Variants in COL5A2 observed in about 807,000 individuals in gnomAD.
COL5A2 encodes the protein collagen alpha-2(V) chain.
In COL5A2, 23 loss-of-function variants were observed where a neutral mutation model predicts 208.2. The observed-to-expected ratio is 0.11, with a 90% CI of 0.08 to 0.16. The LOEUF (loss-of-function observed/expected upper bound fraction) is 0.16. Ranked by LOEUF, COL5A2 falls within the 10% of genes least tolerant of loss-of-function variation. The pLI is 1.00. For missense variants in COL5A2, 1,590 were observed against 1,956.4 expected (o/e 0.81, Z 3.53); for synonymous variants, 625 against 628.5 (o/e 0.99, Z 0.08).
chr2:189,242,124 G>C, the COL5A2 span, among the ~76,000 whole-genome samples: 13,738 of 152,130 alleles, frequency 0.09, 1,411 homozygotes, highest in African/African-American at 0.24. Flanking sequence ...CATATGTATA[G>C]TGTGAACATT....
At chr2:189,073,851 G>A (rs1055993652) in intron 17 of COL5A2, among the ~76,000 whole-genome samples, 3 of 152,072 alleles carry the variant, frequency 2.0e-5, no homozygotes, top group Non-Finnish European at 2.9e-5. Flanking sequence ...TGTTTTGCTT[G>A]TAGAGATATA....
intron 35 of COL5A2, among the ~76,000 whole-genome samples, chr2:189,055,192 C>T (rs1398846783): frequency 6.6e-6 from 1 of 152,116 alleles, no homozygotes; most frequent in Non-Finnish European, 1.5e-5. Flanking sequence ...CAGTTTTCTT[C>T]ATTCTTTTGA....
At chr2:189,391,774 A>G in the COL5A2 span, among the ~76,000 whole-genome samples, 2 of 152,196 alleles carry the variant, frequency 1.3e-5, no homozygotes, top group Non-Finnish European at 2.9e-5. Context: ...ACTTGCTTCA[A>G]AAAAGATTAC....
At chr2:189,071,241 T>C (rs898015485) in intron 18 of COL5A2, among the ~76,000 whole-genome samples, 9 of 152,204 alleles carry the variant, frequency 5.9e-5, no homozygotes, top group African/African-American at 2.2e-4. Context: ...GTGACCGCAG[T>C]CATTTTTGTA....
At chr2:189,272,255 C>T in the COL5A2 span, among the ~76,000 whole-genome samples, 1 of 152,144 alleles carries the variant, frequency 6.6e-6, no homozygotes, top group Admixed American at 6.6e-5. Flanking sequence ...AGACTTAGAA[C>T]CAACCCAAAT....
At chr2:189,200,819 T>C (rs993530785) in intron 1 of COL5A2, among the ~76,000 whole-genome samples, 33 of 151,862 alleles carry the variant, frequency 2.2e-4, no homozygotes, top group Non-Finnish European at 2.7e-4. Context: ...AACACCACCT[T>C]TGAAGTACTG....
the COL5A2 span, among the ~76,000 whole-genome samples, chr2:189,387,896 C>T: frequency 6.6e-6 from 1 of 152,142 alleles, no homozygotes; most frequent in Non-Finnish European, 1.5e-5. Flanking sequence ...GCCAGCCTCC[C>T]AACTCAGCCT....
At chr2:189,221,573 T>G (rs1174798937) in intron 1 of COL5A2, among the ~76,000 whole-genome samples, 1 of 152,086 alleles carries the variant, frequency 6.6e-6, no homozygotes, top group East Asian at 1.9e-4. Flanking sequence ...TGAAAGCACA[T>G]ATTTGATGTG....
chr2:189,145,978 T>G (rs1688031423), intron 1 of COL5A2, among the ~76,000 whole-genome samples: 1 of 152,068 alleles, frequency 6.6e-6, no homozygotes. Context: ...ACAGTAGAAT[T>G]ACATTGAAGG....
At chr2:189,255,557 T>C in the COL5A2 span, among the ~76,000 whole-genome samples, 1,615 of 152,310 alleles carry the variant, frequency 0.011, 34 homozygotes, top group African/African-American at 0.036. Context: ...AAAATAATTA[T>C]TTGTGCATCA....
chr2:189,067,917 C>CATA, intron 21 of COL5A2, 98 bp downstream of exon 21: 1 of 1,010,412 alleles, frequency 9.9e-7, no homozygotes, highest in South Asian at 1.3e-5. Flanking sequence ...GGATAAGTCA[C>CATA]GTTATCTATG....
chr2:189,409,206 T>TC, the COL5A2 span, among the ~76,000 whole-genome samples: 1 of 135,816 alleles, frequency 7.4e-6, no homozygotes, highest in Non-Finnish European at 1.5e-5. Context: ...AATTTACTCT[T>TC]TTTTTTTTTT....
the COL5A2 span, among the ~76,000 whole-genome samples, chr2:189,331,738 T>A: frequency 6.6e-6 from 1 of 151,958 alleles, no homozygotes; most frequent in Non-Finnish European, 1.5e-5. Flanking sequence ...ATACTAATTT[T>A]AAAAATGGTG....
chr2:189,323,098 A>C, the COL5A2 span, among the ~76,000 whole-genome samples: 1 of 152,238 alleles, frequency 6.6e-6, no homozygotes, highest in Admixed American at 6.5e-5. Context: ...GACGCAGAAA[A>C]GGCCTTCGAA....
chr2:189,306,545 G>A, the COL5A2 span, among the ~76,000 whole-genome samples: 99 of 152,204 alleles, frequency 6.5e-4, 2 homozygotes, highest in East Asian at 0.014. Context: ...AAACAAACTG[G>A]TGTGCTCATT....
the COL5A2 span, among the ~76,000 whole-genome samples, chr2:189,237,849 T>C: frequency 9.9e-5 from 15 of 151,916 alleles, no homozygotes; most frequent in Admixed American, 6.6e-5. Flanking sequence ...TTGATGAACT[T>C]TGGATTTCCT....
At chr2:189,112,725 T>G in intron 1 of COL5A2, among the ~76,000 whole-genome samples, 1 of 152,234 alleles carries the variant, frequency 6.6e-6, no homozygotes. Context: ...AGTGCTATTA[T>G]AGTCATTTAA....
At chr2:189,144,773 G>A (rs1688006344) in intron 1 of COL5A2, among the ~76,000 whole-genome samples, 1 of 152,136 alleles carries the variant, frequency 6.6e-6, no homozygotes, top group South Asian at 2.1e-4. Flanking sequence ...AGTAAGCACA[G>A]TTGGGGCACT....
Position 189,119,122 on chromosome 2 carries a change from A to G in COL5A2, c.98-8673T>C, listed in dbSNP as rs1157526275. ...GCCAAATGCCATAGTCATACTTGGT[A>G]TGAGAAAAAGAGTTGTTGCCTTTAT... is the stretch of plus-strand genomic sequence containing the variant. On this transcript the variant is annotated intron_variant, in intron 1 of 53. Coordinates refer to ENST00000374866, the MANE Select transcript of COL5A2 (RefSeq NM_000393.5). 3.3e-5 allele frequency among the ~76,000 whole-genome samples: 5 copies of G among 152,100 alleles called. No homozygotes were observed. In the East Asian group the frequency reaches 9.6e-4, roughly 29 times the overall value.
Sources: allele counts gnomAD v4.1 joint callset (sites outside exome capture counted in the v4.1 genomes callset), GRCh38; gene constraint gnomAD v4.1.1; transcripts MANE v1.5; gene names NCBI Gene and HGNC (gene_info 2026-07-23, HGNC 2026-07-21).